The following SDK1 variants were observed in gnomAD, a reference collection of about 807,000 sequenced individuals.
SDK1 encodes sidekick cell adhesion molecule 1.
In SDK1, 157 loss-of-function variants were observed where a neutral mutation model predicts 245.5. That is an observed-to-expected ratio of 0.64 (90% CI 0.56 to 0.73). The LOEUF (loss-of-function observed/expected upper bound fraction) is 0.73, where lower values mean the gene tolerates loss of function less well. SDK1 is among the 30% of genes least tolerant of loss of function. The pLI is 0.00. For synonymous variants in SDK1, 1,647 were observed against 1,278.5 expected, an observed-to-expected ratio of 1.29 and a Z score of -6.15; for missense variants, 3,583 against 3,002.3, an observed-to-expected ratio of 1.19 and a Z score of -4.52.
chr7:3,828,192 G>T (rs1779824688), intron 5 of SDK1, among the ~76,000 whole-genome samples: 1 of 151,978 alleles, frequency 6.6e-6, no homozygotes, highest in Admixed American at 6.6e-5. Flanking sequence ...GCAGGAAAAT[G>T]AATTGAACCT....
chr7:3,534,910 AC>A (rs1562546052), intron 1 of SDK1, among the ~76,000 whole-genome samples: 1 of 152,166 alleles, frequency 6.6e-6, no homozygotes, highest in African/African-American at 2.4e-5. Context: ...TAAGGAGCAG[AC>A]AAGACAGCGC....
At chr7:3,545,037 A>C (rs1050613860) in intron 1 of SDK1, among the ~76,000 whole-genome samples, 4 of 152,140 alleles carry the variant, frequency 2.6e-5, no homozygotes, top group Admixed American at 6.6e-5. Context: ...TGGAGGGGGC[A>C]GGAGAGTGTG....
intron 4 of SDK1, among the ~76,000 whole-genome samples, chr7:3,723,874 A>T (rs1778913981): frequency 7.6e-6 from 1 of 131,238 alleles, no homozygotes; most frequent in Non-Finnish European, 1.6e-5. Context: ...GTGTATATAC[A>T]CGTACATATA....
chr7:4,243,455 C>G (rs1786652075), intron 43 of SDK1, among the ~76,000 whole-genome samples: 1 of 152,186 alleles, frequency 6.6e-6, no homozygotes. Flanking sequence ...ATACCCAAGA[C>G]TGGGTAGTTT....
In SDK1 at chr7:4,021,345, C is replaced by T. The variant is rs115726966; in HGVS notation, c.2602+3993C>T. 5.4e-3 allele frequency among the ~76,000 whole-genome samples: 821 copies of T among 152,224 alleles called. 6 individuals are homozygous for T. The highest frequency in any genetic ancestry group is 0.018 in the African/African-American group (734 of 41,530). On this transcript the variant is annotated intron_variant, in intron 17 of 44. Transcript: ENST00000404826. ...CACCCAGAGGAACGGGCTATGGACA[C>T]GAGGGTTGTGATCCACGTGGCGGGG...
At chr7:4,179,784 G>A (rs1782483715) in intron 35 of SDK1, among the ~76,000 whole-genome samples, 1 of 151,982 alleles carries the variant, frequency 6.6e-6, no homozygotes, top group Non-Finnish European at 1.5e-5. Context: ...TGCCACTGCG[G>A]ACGGCGGCCA....
At chr7:3,562,593 GGTGTCTGGA>G (rs1180769845) in intron 1 of SDK1, among the ~76,000 whole-genome samples, 6 of 152,194 alleles carry the variant, frequency 3.9e-5, no homozygotes, top group Non-Finnish European at 8.8e-5. Context: ...GGCAGCCATA[GGTGTCTGGA>G]GAGTCTGGAG....
At chr7:4,065,499 G>A (rs981652049) in intron 19 of SDK1, among the ~76,000 whole-genome samples, 1 of 152,018 alleles carries the variant, frequency 6.6e-6, no homozygotes, top group South Asian at 2.1e-4. Context: ...CTTCTCCATC[G>A]ATTGAAAAAA....
At chr7:3,994,718 CAAT>C (rs1784575468) in intron 14 of SDK1, among the ~76,000 whole-genome samples, 1 of 151,952 alleles carries the variant, frequency 6.6e-6, no homozygotes, top group African/African-American at 2.4e-5. Flanking sequence ...ACAAATCAAT[CAAT>C]AAATTTTATA....
At chr7:3,665,644 A>G (rs1783501362) in intron 4 of SDK1, among the ~76,000 whole-genome samples, 1 of 152,146 alleles carries the variant, frequency 6.6e-6, no homozygotes, top group Non-Finnish European at 1.5e-5. Context: ...GTGCCACAGC[A>G]AGAGGCAACT....
chr7:3,693,132 TTAA>T (rs907230765), intron 4 of SDK1, among the ~76,000 whole-genome samples: 9 of 152,066 alleles, frequency 5.9e-5, no homozygotes, highest in Non-Finnish European at 1.0e-4. Context: ...CTTAACGATA[TTAA>T]TAATTTTTGT....
intron 5 of SDK1, among the ~76,000 whole-genome samples, chr7:3,906,667 G>A (rs534146790): frequency 1.8e-5 from 2 of 112,660 alleles, no homozygotes; most frequent in African/African-American, 3.3e-5. Context: ...TTGTTCTGTC[G>A]CCCAGGCTGG....
intron 1 of SDK1, among the ~76,000 whole-genome samples, chr7:3,504,991 A>C (rs1782345493): frequency 6.6e-6 from 1 of 152,198 alleles, no homozygotes; most frequent in Non-Finnish European, 1.5e-5. Flanking sequence ...AGTAAACAAA[A>C]TATATAAAAT....
In SDK1 at chr7:3,453,742, T is replaced by A. The variant is rs183654940; in HGVS notation, c.298+151858T>A. On this transcript the variant is annotated intron_variant, in intron 1 of 44. Coordinates refer to ENST00000404826, the MANE Select transcript of SDK1 (RefSeq NM_152744.4). ...CTACAGGTGCACCACCATGTCTGGC[T>A]AATTTTTTTTTTACTTTTCATAGAA... Among the ~76,000 whole-genome samples, 637 of 139,796 alleles carry A rather than the reference T, an allele frequency of 4.6e-3. 7 individuals are homozygous for A. Among genetic ancestry groups the A allele is most frequent in the South Asian group, 0.019 (87 of 4,688 alleles). 91.7% of individuals were successfully genotyped at this position (139,796 alleles called of 152,430 possible).
chr7:4,183,942 A>G (rs1395757465), intron 35 of SDK1, among the ~76,000 whole-genome samples: 1 of 152,132 alleles, frequency 6.6e-6, no homozygotes, highest in African/African-American at 2.4e-5. Flanking sequence ...GGCAGTGCCA[A>G]CCCTGCAAGT....
intron 1 of SDK1, among the ~76,000 whole-genome samples, chr7:3,559,877 T>G (rs1583165973): frequency 6.6e-6 from 1 of 152,236 alleles, no homozygotes. Context: ...ACTGTATCCC[T>G]TGCTCCTAGT....
intron 1 of SDK1, among the ~76,000 whole-genome samples, chr7:3,542,803 C>G (rs935978276): frequency 6.6e-5 from 10 of 152,056 alleles, no homozygotes; most frequent in Non-Finnish European, 1.5e-4. Context: ...GGGCTTCTTT[C>G]AAGTGTAGAG....
chr7:3,827,066 G>T (rs1015247943), intron 5 of SDK1, among the ~76,000 whole-genome samples: 8 of 152,088 alleles, frequency 5.3e-5, no homozygotes, highest in Admixed American at 2.0e-4. Context: ...TCCCCTGTGT[G>T]ATTTATTTCA....
intron 4 of SDK1, among the ~76,000 whole-genome samples, chr7:3,725,547 T>C (rs941805330): frequency 6.6e-6 from 1 of 152,194 alleles, no homozygotes; most frequent in Non-Finnish European, 1.5e-5. Flanking sequence ...TTACTATTAT[T>C]CCAGCACCTT....
Sources: gnomAD v4.1 joint callset for allele counts (sites outside exome capture counted in the v4.1 genomes callset) on GRCh38, gnomAD v4.1.1 for gene constraint, MANE v1.5 for transcripts, NCBI Gene and HGNC (gene_info 2026-07-23, HGNC 2026-07-21) for gene names.